DNM3: variants seen among roughly 807,000 people sequenced by gnomAD.
DNM3 encodes the protein dynamin 3, also known as dynamin-3.
Under a neutral mutation model 101.6 loss-of-function variants are expected in DNM3, and 47 were observed. That is an observed-to-expected ratio of 0.46 (90% CI 0.37 to 0.59). The LOEUF is 0.59. DNM3 is among the 20% of genes least tolerant of loss of function. DNM3 has a pLI of 0.00. For synonymous variants in DNM3, 385 were observed against 387.9 expected, an observed-to-expected ratio of 0.99 and a Z score of 0.09; for missense variants, 849 against 1,085.7, an observed-to-expected ratio of 0.78 and a Z score of 3.06.
At chr1:172,255,798 A>T (rs1300198365) in intron 15 of DNM3, among the ~76,000 whole-genome samples, 1 of 152,120 alleles carries the variant, frequency 6.6e-6, no homozygotes, top group African/African-American at 2.4e-5. Context: ...TCCTTGTCTT[A>T]TTTCTCATTT....
At chr1:172,096,937 T>C (rs758843748) in intron 13 of DNM3, among the ~76,000 whole-genome samples, 1 of 152,174 alleles carries the variant, frequency 6.6e-6, no homozygotes, top group Non-Finnish European at 1.5e-5. Flanking sequence ...TTGCAGGTAG[T>C]ATTTAGCAGA....
At chr1:171,892,289 G>T (rs565527228) in intron 1 of DNM3, among the ~76,000 whole-genome samples, 1 of 152,116 alleles carries the variant, frequency 6.6e-6, no homozygotes, top group East Asian at 1.9e-4. Flanking sequence ...TTTTTCCAAG[G>T]AGCCCTGGTT....
intron 12 of DNM3, among the ~76,000 whole-genome samples, chr1:172,086,467 G>A (rs2053538876): frequency 6.6e-6 from 1 of 152,188 alleles, no homozygotes; most frequent in African/African-American, 2.4e-5. Context: ...TGAGATGATG[G>A]AACTATTGTA....
intron 1 of DNM3, among the ~76,000 whole-genome samples, chr1:171,848,318 T>C (rs895355820): frequency 4.1e-4 from 62 of 152,250 alleles, no homozygotes; most frequent in Admixed American, 1.2e-3. Context: ...ACCTTTTTTT[T>C]CCCATACAGA....
chr1:172,035,012 G>C (rs1043864665), intron 6 of DNM3, among the ~76,000 whole-genome samples: 1 of 152,132 alleles, frequency 6.6e-6, no homozygotes, highest in Non-Finnish European at 1.5e-5. Flanking sequence ...AAGACCAAGA[G>C]TAGACCAGTT....
chr1:172,256,076 T>C (rs992333571), intron 15 of DNM3, among the ~76,000 whole-genome samples: 1 of 152,110 alleles, frequency 6.6e-6, no homozygotes, highest in Non-Finnish European at 1.5e-5. Flanking sequence ...TTTAGTTAGG[T>C]CACAATGTGC....
intron 15 of DNM3, among the ~76,000 whole-genome samples, chr1:172,254,087 G>A (rs1011085143): frequency 1.2e-4 from 18 of 152,002 alleles, no homozygotes; most frequent in Admixed American, 1.3e-4. Flanking sequence ...GGACTACTGC[G>A]TGCATGCCAC....
At chr1:172,395,274 G>A (rs1054314519) in intron 20 of DNM3, among the ~76,000 whole-genome samples, 1 of 151,086 alleles carries the variant, frequency 6.6e-6, no homozygotes, top group Non-Finnish European at 1.5e-5. Flanking sequence ...GGCTTCAAGC[G>A]ATTCTCCTGC....
chr1:172,030,878 C>T (rs975653665), intron 4 of DNM3, among the ~76,000 whole-genome samples: 21 of 152,152 alleles, frequency 1.4e-4, no homozygotes, highest in African/African-American at 2.7e-4. Context: ...GTTAGAATGG[C>T]GATCATTAAA....
At chr1:172,319,115 C>G (rs932874683) in intron 16 of DNM3, among the ~76,000 whole-genome samples, 1 of 152,060 alleles carries the variant, frequency 6.6e-6, no homozygotes, top group Non-Finnish European at 1.5e-5. Flanking sequence ...TTTGACAAAC[C>G]TGAGAAAAAC....
chr1:171,899,148 C>A (rs12123946), intron 1 of DNM3, among the ~76,000 whole-genome samples: 13,126 of 152,234 alleles, frequency 0.086, 752 homozygotes, highest in South Asian at 0.23. Flanking sequence ...AGGAACAGAG[C>A]AGGCTTCATC....
chr1:172,298,873 G>A (rs1442007865), intron 15 of DNM3, among the ~76,000 whole-genome samples: 15 of 138,566 alleles, frequency 1.1e-4, no homozygotes, highest in African/African-American at 2.4e-4. Context: ...GAGAGAGAGA[G>A]AGAAAGACAG....
chr1:172,178,725 A>G (rs1240717308), intron 14 of DNM3, among the ~76,000 whole-genome samples: 1 of 151,972 alleles, frequency 6.6e-6, no homozygotes, highest in Non-Finnish European at 1.5e-5. Context: ...GATGTTACAG[A>G]GATATCAATG....
At chr1:172,387,468 G>A (rs1312775991) in intron 19 of DNM3, 109 bp downstream of exon 19, 10 of 869,904 alleles carry the variant, frequency 1.1e-5, no homozygotes, top group African/African-American at 1.7e-5. Flanking sequence ...CCATCCTGGC[G>A]AACATAGTGA....
At chr1:172,020,977 C>T (rs1305765993) in intron 4 of DNM3, among the ~76,000 whole-genome samples, 1 of 152,190 alleles carries the variant, frequency 6.6e-6, no homozygotes, top group Non-Finnish European at 1.5e-5. Context: ...TGGGTGTCTG[C>T]TCTGTTGAGT....
At chr1:171,866,407 G>C (rs1226687987) in intron 1 of DNM3, among the ~76,000 whole-genome samples, 1 of 151,622 alleles carries the variant, frequency 6.6e-6, no homozygotes, top group African/African-American at 2.4e-5. Context: ...TCTCCTTTGT[G>C]TCATCACTCA....
At chr1:172,135,418 A>T (rs1344265028) in intron 14 of DNM3, among the ~76,000 whole-genome samples, 3 of 151,910 alleles carry the variant, frequency 2.0e-5, no homozygotes, top group Non-Finnish European at 4.4e-5. Flanking sequence ...ACAGAATAAA[A>T]TTACCACTAA....
At chr1:172,260,200 A>T (rs531546761) in intron 15 of DNM3, among the ~76,000 whole-genome samples, 1 of 152,026 alleles carries the variant, frequency 6.6e-6, no homozygotes, top group East Asian at 1.9e-4. Flanking sequence ...TGTTAGTCTG[A>T]TGGGGTTCCT....
In DNM3 at chr1:172,409,975, T is replaced by C; in HGVS notation, c.*2134T>C. On this transcript the variant is annotated 3_prime_UTR_variant, in exon 21 of 21. Transcript: ENST00000627582. ...TTTTTTCCAATTTTCCTTCCACTGA[T>C]CTTAGGCAGTAATAAACAATGGCAT... 2 of 985,766 alleles carry C rather than the reference T, an allele frequency of 2.0e-6. No individual in the cohort carries two copies. Among genetic ancestry groups the C allele is most frequent in the Non-Finnish European group, 2.4e-6 (2 of 829,876 alleles). 61.1% of individuals were successfully genotyped at this position (985,766 alleles called of 1,614,324 possible).
Sources: allele counts gnomAD v4.1 joint callset (sites outside exome capture counted in the v4.1 genomes callset), GRCh38; gene constraint gnomAD v4.1.1; transcripts MANE v1.5; gene names NCBI Gene and HGNC (gene_info 2026-07-23, HGNC 2026-07-21).